The following LAMA4 variants were observed in gnomAD, a reference collection of about 807,000 sequenced individuals.
LAMA4 encodes laminin subunit alpha 4, also known as laminin subunit alpha-4.
Under a neutral mutation model 207.1 loss-of-function variants are expected in LAMA4, and 127 were observed. The observed-to-expected ratio is 0.61, with a 90% CI of 0.53 to 0.71. The LOEUF (loss-of-function observed/expected upper bound fraction) is 0.71. Among genes scored for constraint, LAMA4 ranks in the 30% least tolerant of loss-of-function variants. The pLI, the probability that LAMA4 is intolerant of heterozygous loss-of-function variation, is 0.00. For missense variants in LAMA4, 2,093 were observed against 2,246.5 expected (o/e 0.93, Z 1.38); for synonymous variants, 761 against 816.0 (o/e 0.93, Z 1.15).
intron 2 of LAMA4, among the ~76,000 whole-genome samples, chr6:112,246,111 A>T (rs541107890): frequency 1.3e-5 from 2 of 152,340 alleles, no homozygotes; most frequent in South Asian, 4.1e-4. Flanking sequence ...CCCTTTAGTA[A>T]ACCATTTCCC....
intron 4 of LAMA4, among the ~76,000 whole-genome samples, chr6:112,202,692 A>T (rs6904212): frequency 0.36 from 54,880 of 151,780 alleles, 10,122 homozygotes; most frequent in Non-Finnish European, 0.39. Flanking sequence ...TTATTTTCGC[A>T]AACAGTTGGG....
intron 16 of LAMA4, 141 bp downstream of exon 16, chr6:112,154,710 G>T: frequency 1.5e-6 from 1 of 676,636 alleles, no homozygotes. Context: ...TTTGTAACTT[G>T]ACTCTGAGCA....
rs1017064467 is a variant in LAMA4 at position 112,132,812 on chromosome 6, C to T, written c.3775G>A (p.Gly1259Arg). 1.2e-6 allele frequency: 2 copies of T among 1,612,644 alleles called. No homozygotes were observed. Among genetic ancestry groups the T allele is most frequent in the South Asian group, 1.1e-5 (1 of 91,046 alleles). ...QKISFFDGFE[G>R]GFNFRTLQPN... is the part of the protein sequence containing the mutation. ...TGTAATGTTCGGAAATTAAAACCTC[C>T]TTCAAAGCCATCAAAGAAAGATATT... The change falls in exon 28 of 39, where the codon GGA (glycine) becomes AGA (arginine). Residue 1259 changes from glycine to arginine, a missense_variant. By Grantham distance (125) the Gly-to-Arg change is moderately radical (BLOSUM62 -2). Coordinates refer to ENST00000230538, the MANE Select transcript of LAMA4 (RefSeq NM_001105206.3).
At chr6:112,131,164 C>A in intron 28 of LAMA4, 63 bp from the exon 29 acceptor site, 2 of 1,481,470 alleles carry the variant, frequency 1.4e-6, no homozygotes, top group Non-Finnish European at 1.9e-6. Context: ...GAAATGTTTT[C>A]AACATTTACT....
intron 3 of LAMA4, among the ~76,000 whole-genome samples, chr6:112,208,377 T>A (rs782483900): frequency 6.6e-6 from 1 of 152,202 alleles, no homozygotes; most frequent in Non-Finnish European, 1.5e-5. Flanking sequence ...AGCAAGGCCC[T>A]GCTCTAAACA....
At chr6:112,205,206 G>C (rs1783989870) in intron 4 of LAMA4, among the ~76,000 whole-genome samples, 1 of 152,204 alleles carries the variant, frequency 6.6e-6, no homozygotes. Context: ...AAAAATCCAA[G>C]TGTTAGAAAA....
intron 14 of LAMA4, chr6:112,158,418 T>C (rs1292661582): frequency 5.5e-6 from 2 of 365,084 alleles, no homozygotes; most frequent in African/African-American, 2.1e-5. Flanking sequence ...CTACTAAAAA[T>C]TGTGGAACAG....
At chr6:112,154,770 T>A (rs891193439) in intron 16 of LAMA4, 81 bp downstream of exon 16, 2 of 885,392 alleles carry the variant, frequency 2.3e-6, no homozygotes, top group Non-Finnish European at 3.9e-6. Context: ...TAATCCTAGA[T>A]TTGGAAATCT....
At chr6:112,142,720 G>C (rs1779778034) in intron 19 of LAMA4, among the ~76,000 whole-genome samples, 1 of 152,142 alleles carries the variant, frequency 6.6e-6, no homozygotes, top group Admixed American at 6.5e-5. Flanking sequence ...TCATAAAAGG[G>C]ACATGGGGTG....
At chr6:112,227,367 CCTGA>C (rs1554362881) in intron 2 of LAMA4, among the ~76,000 whole-genome samples, 2 of 152,046 alleles carry the variant, frequency 1.3e-5, no homozygotes. Flanking sequence ...CCGTGCCCCG[CCTGA>C]CTATGTTATT....
chr6:112,235,304 G>A (rs1322681472), intron 2 of LAMA4, among the ~76,000 whole-genome samples: 4 of 152,086 alleles, frequency 2.6e-5, no homozygotes, highest in Non-Finnish European at 5.9e-5. Context: ...AGATTTTCTC[G>A]AGAAACAGGT....
At chr6:112,139,550 C>G (rs782132240) in intron 23 of LAMA4, among the ~76,000 whole-genome samples, 23 of 152,206 alleles carry the variant, frequency 1.5e-4, no homozygotes, top group Non-Finnish European at 3.2e-4. Flanking sequence ...AGGCTGCAAA[C>G]AAGTTGTTTA....
At position 112,132,895 on chromosome 6, in the gene LAMA4, G is replaced by C; in HGVS notation, c.3697-5C>G. ...GAAATATGCTCTGCGAGATATCTGT[G>C]TGCCAGAACAAGTGGAGATAGTGTT... is the stretch of plus-strand genomic sequence containing the variant. On this transcript the variant is annotated splice_region_variant and splice_polypyrimidine_tract_variant and intron_variant, in intron 27 of 38. Transcript: ENST00000230538. The C allele has an allele frequency of 6.2e-7, 1 of 1,612,590 alleles. No homozygotes were observed. The highest frequency in any genetic ancestry group is 8.5e-7 in the Non-Finnish European group (1 of 1,179,078).
chr6:112,110,646 G>A (rs1054858346), intron 38 of LAMA4, among the ~76,000 whole-genome samples: 1 of 152,176 alleles, frequency 6.6e-6, no homozygotes, highest in South Asian at 2.1e-4. Flanking sequence ...CCTGCTCAGT[G>A]TACTTCATCA....
rs549108885 is a variant in LAMA4, at chr6:112,234,905, TGGATATCCAAATATCTTC to T, written c.196-18454_196-18437del. 33 of 152,336 alleles carry T rather than the reference TGGATATCCAAATATCTTC, an allele frequency of 2.2e-4. 1 individual carries two copies. The South Asian group carries it at 3.7e-3, about 17-fold the overall frequency. 9.4% of individuals were successfully genotyped at this position (152,336 alleles called of 1,614,324 possible). A position where few individuals can be genotyped will look rare whatever the true frequency, so the allele number is the denominator to read the frequency against. The stretch of plus-strand genomic sequence containing the variant: ...GTTTGGAGAACCTTACAAATATCTT[TGGATATCCAAATATCTTC>T]GGATATCCAAATATCTTCGGATAAT... On this transcript the variant is annotated intron_variant, in intron 2 of 38. Transcript: ENST00000230538.
At chr6:112,114,000 G>A in intron 38 of LAMA4, 76 bp downstream of exon 38, 1 of 1,544,554 alleles carries the variant, frequency 6.5e-7, no homozygotes. Context: ...AAAAACACAT[G>A]GCTCAATTCT....
chr6:112,123,471 G>A (rs1183295459), intron 31 of LAMA4, among the ~76,000 whole-genome samples: 1 of 152,136 alleles, frequency 6.6e-6, no homozygotes, highest in East Asian at 1.9e-4. Context: ...GCAGAACCAA[G>A]CTGTGTGGAA....
intron 2 of LAMA4, 108 bp downstream of exon 2, chr6:112,253,847 CA>C: frequency 6.2e-7 from 1 of 1,614,238 alleles, no homozygotes. Context: ...GTGAAACTCT[CA>C]AGGCACTGGG....
intron 2 of LAMA4, among the ~76,000 whole-genome samples, chr6:112,225,650 T>G (rs187176215): frequency 7.7e-4 from 118 of 152,336 alleles, no homozygotes; most frequent in African/African-American, 2.7e-3. Context: ...ACTTACTCTC[T>G]AAACTGATAC....
Sources: gnomAD v4.1 joint callset for allele counts (sites outside exome capture counted in the v4.1 genomes callset) on GRCh38, gnomAD v4.1.1 for gene constraint, MANE v1.5 for transcripts, NCBI Gene and HGNC (gene_info 2026-07-23, HGNC 2026-07-21) for gene names.